The following COG6 variants were observed in gnomAD, a reference collection of about 807,000 sequenced individuals.
COG6 encodes the protein conserved oligomeric Golgi complex subunit 6.
In COG6, 74 loss-of-function variants were observed where a neutral mutation model predicts 88.8. The ratio of observed to expected loss-of-function variants is 0.83; its 90% CI spans 0.69 to 1.01. The LOEUF (loss-of-function observed/expected upper bound fraction) is 1.01, where lower values mean the gene tolerates loss of function less well. Among genes scored for constraint, COG6 ranks in the 50% least tolerant of loss-of-function variants. The pLI, the probability that COG6 is intolerant of heterozygous loss-of-function variation, is 0.00. For synonymous variants in COG6, 286 were observed against 278.7 expected (o/e 1.03, Z -0.26); for missense variants, 800 against 797.9 (o/e 1.00, Z -0.03).
upstream of COG6, chr13:39,655,639 C>A: frequency 4.1e-6 from 6 of 1,470,012 alleles, no homozygotes; most frequent in Non-Finnish European, 5.6e-6. Context: ...TGCGCATGCG[C>A]GGCCGATTTG....
At chr13:39,701,182 T>C (rs1041104344) in intron 13 of COG6, among the ~76,000 whole-genome samples, 3 of 151,822 alleles carry the variant, frequency 2.0e-5, no homozygotes, top group Admixed American at 6.6e-5. Context: ...TCTTCAAAAC[T>C]TGATGACTGA....
intron 8 of COG6, among the ~76,000 whole-genome samples, chr13:39,684,115 A>G (rs1876482532): frequency 6.6e-6 from 1 of 152,006 alleles, no homozygotes. Flanking sequence ...GGAGGGATGT[A>G]TCTGAGGGCT....
At chr13:39,710,587 T>TGCA (rs1181634515) in intron 13 of COG6, among the ~76,000 whole-genome samples, 1 of 152,110 alleles carries the variant, frequency 6.6e-6, no homozygotes, top group African/African-American at 2.4e-5. Flanking sequence ...GCATTTGGAA[T>TGCA]ATATTTTAAT....
In COG6 at chr13:39,655,825, C is replaced by A. The variant is rs766100234; in HGVS notation, c.99C>A (p.Asn33Lys). ...GCGGGACCTCGGCGACGACCTGCAA[C>A]CCGCTGTCGCGCAAGCTGCATAAGA... ...GAGGTSATTC[N>K]PLSRKLHKIL... Residue 33 changes from asparagine (N) to lysine (K), a missense_variant, in exon 1 of 19, where the codon AAC (asparagine) becomes AAA (lysine). Physicochemically the swap from Asn to Lys is moderately conservative, Grantham distance 94. Coordinates refer to ENST00000455146, the MANE Select transcript of COG6 (RefSeq NM_020751.3). 18 of 1,603,536 alleles carry A rather than the reference C, an allele frequency of 1.1e-5. No homozygotes were observed. The highest frequency in any genetic ancestry group is 1.2e-5 in the Non-Finnish European group (14 of 1,175,902).
chr13:39,779,465 C>T (rs1256255723), intron 18 of COG6, among the ~76,000 whole-genome samples: 1 of 152,186 alleles, frequency 6.6e-6, no homozygotes, highest in Non-Finnish European at 1.5e-5. Context: ...CCAGGACAGG[C>T]AGCATGCATT....
At chr13:39,777,442 A>C (rs1336117409) in intron 18 of COG6, among the ~76,000 whole-genome samples, 2 of 152,194 alleles carry the variant, frequency 1.3e-5, no homozygotes, top group African/African-American at 4.8e-5. Flanking sequence ...GGGAAACTAC[A>C]TAAAGTTTAA....
intron 18 of COG6, among the ~76,000 whole-genome samples, chr13:39,782,133 A>C (rs1881648075): frequency 1.3e-5 from 2 of 152,214 alleles, no homozygotes; most frequent in Admixed American, 1.3e-4. Context: ...CCCATTGTGC[A>C]GAAAAGCCTA....
intron 5 of COG6, chr13:39,678,146 A>C (rs1163473545): frequency 1.2e-5 from 5 of 419,636 alleles, no homozygotes; most frequent in Admixed American, 2.7e-5. Flanking sequence ...AGCTCACTGC[A>C]GCCTCAACCT....
intron 13 of COG6, among the ~76,000 whole-genome samples, chr13:39,710,666 C>T (rs765624403): frequency 2.3e-4 from 35 of 152,044 alleles, no homozygotes; most frequent in East Asian, 1.9e-4. Flanking sequence ...AAATACTTTT[C>T]GGTTGTTGAT....
At chr13:39,764,016 A>G (rs1881096608) in intron 18 of COG6, among the ~76,000 whole-genome samples, 1 of 151,854 alleles carries the variant, frequency 6.6e-6, no homozygotes. Context: ...AGTTTCAAGT[A>G]GAGCCAACTA....
At chr13:39,761,036 A>G (rs1484166837) in intron 18 of COG6, among the ~76,000 whole-genome samples, 1 of 151,784 alleles carries the variant, frequency 6.6e-6, no homozygotes, top group Admixed American at 6.6e-5. Context: ...TAGAGAATCC[A>G]CTTATATTTC....
intron 8 of COG6, 195 bp downstream of exon 8, chr13:39,682,459 A>G: frequency 2.0e-6 from 1 of 509,978 alleles, no homozygotes; most frequent in Non-Finnish European, 3.5e-6. Flanking sequence ...TATAGAATAC[A>G]ATATGGAAAG....
intron 12 of COG6, among the ~76,000 whole-genome samples, chr13:39,698,163 GC>G (rs1477109896): frequency 6.7e-6 from 1 of 148,760 alleles, no homozygotes; most frequent in Non-Finnish European, 1.5e-5. Context: ...GCAAAGTACA[GC>G]TGATAACTCC....
intron 18 of COG6, among the ~76,000 whole-genome samples, chr13:39,746,307 G>A (rs1880349041): frequency 6.6e-6 from 1 of 151,652 alleles, no homozygotes; most frequent in East Asian, 1.9e-4. Flanking sequence ...AAAGCAAGAG[G>A]ACAGAAACAG....
At position 39,718,957 on chromosome 13, in the gene COG6, A is replaced by G. The variant is rs538588732; in HGVS notation, c.1285-279A>G. ...TAGGCCATTTTAAATCCATATTAAA[A>G]TGTAATTCTACAATTCAATTGAACA... On this transcript the variant is annotated intron_variant, in intron 13 of 18. Coordinates refer to ENST00000455146, the MANE Select transcript of COG6 (RefSeq NM_020751.3). Among the ~76,000 whole-genome samples the G allele has an allele frequency of 3.3e-5, 5 of 152,262 alleles. No individual in the cohort carries two copies. In the East Asian group the frequency reaches 9.6e-4, roughly 29 times the overall value.
chr13:39,790,707 T>C lies in COG6; in HGVS notation c.*2351T>C, dbSNP rs1405009422. ...AAGGAGAACTGACATCTTTATAATA[T>C]TGAATCTTCCTGTTTGAGATTGGAC... On this transcript the variant is annotated 3_prime_UTR_variant, in exon 19 of 19. Coordinates refer to the COG6 transcript ENST00000416691. 8 of 152,272 alleles carry C rather than the reference T, an allele frequency of 5.3e-5. No individual in the cohort carries two copies. The East Asian group carries it at 1.5e-3, about 29-fold the overall frequency. 9.4% of individuals were successfully genotyped at this position (152,272 alleles called of 1,614,324 possible).
chr13:39,729,762 A>T (rs1423794863), intron 18 of COG6, among the ~76,000 whole-genome samples: 1 of 152,224 alleles, frequency 6.6e-6, no homozygotes, highest in Non-Finnish European at 1.5e-5. Flanking sequence ...ACTTTTTTGA[A>T]TGAGAGTATA....
chr13:39,776,279 G>T (rs916708775), intron 18 of COG6, among the ~76,000 whole-genome samples: 5 of 152,198 alleles, frequency 3.3e-5, no homozygotes, highest in Admixed American at 2.0e-4. Flanking sequence ...GATACAACTT[G>T]TGTGCTATGT....
chr13:39,655,921 G>T (rs1478718899), intron 1 of COG6, 42 bp downstream of exon 1: 2 of 1,580,552 alleles, frequency 1.3e-6, no homozygotes, highest in South Asian at 1.1e-5. Flanking sequence ...GTTCCTGCGG[G>T]GCTGAGCCGG....
Sources: gnomAD v4.1 joint callset for allele counts (sites outside exome capture counted in the v4.1 genomes callset) on GRCh38, gnomAD v4.1.1 for gene constraint, MANE v1.5 for transcripts, NCBI Gene and HGNC (gene_info 2026-07-23, HGNC 2026-07-21) for gene names.